BCL7C: variants seen among roughly 807,000 people sequenced by gnomAD.
The protein encoded by BCL7C is BAF chromatin remodeling complex subunit BCL7C, also known as B-cell CLL/lymphoma 7 protein family member C.
BCL7C carries 8 observed loss-of-function variants against 26.2 expected under a neutral mutation model. The observed-to-expected ratio is 0.30, with a 90% CI of 0.18 to 0.55. The LOEUF (loss-of-function observed/expected upper bound fraction) is 0.55. Among genes scored for constraint, BCL7C ranks in the 20% least tolerant of loss-of-function variants. BCL7C has a pLI of 0.93. For missense variants in BCL7C, 262 were observed against 298.5 expected, an observed-to-expected ratio of 0.88 and a Z score of 0.90; for synonymous variants, 90 against 116.5, an observed-to-expected ratio of 0.77 and a Z score of 1.47.
exon 6 of BCL7C, chr16:30,835,117 A>G: frequency 6.5e-7 from 1 of 1,530,028 alleles, no homozygotes; most frequent in East Asian, 2.5e-5. Flanking sequence ...CTTCTCGTGA[A>G]GGGCTCTCCT....
chr16:30,875,321 G>A (rs964953977), intron 5 of BCL7C: 1 of 153,804 alleles, frequency 6.5e-6, no homozygotes, highest in Non-Finnish European at 1.5e-5. Flanking sequence ...CACTGCTGAG[G>A]TTGCCCGAGG....
At chr16:30,869,509 C>T (rs180991247) in intron 5 of BCL7C, among the ~76,000 whole-genome samples, 29 of 135,384 alleles carry the variant, frequency 2.1e-4, no homozygotes, top group Non-Finnish European at 3.0e-4. Flanking sequence ...CTGGCTCTTT[C>T]TTTTTTTTTT....
At chr16:30,858,303 C>A (rs774762620) in intron 5 of BCL7C, among the ~76,000 whole-genome samples, 3 of 152,156 alleles carry the variant, frequency 2.0e-5, no homozygotes, top group Non-Finnish European at 4.4e-5. Context: ...AGGAGATAAC[C>A]AGTACCCTGG....
intron 5 of BCL7C, among the ~76,000 whole-genome samples, chr16:30,867,120 T>C (rs2054836220): frequency 6.6e-6 from 1 of 152,176 alleles, no homozygotes; most frequent in East Asian, 1.9e-4. Context: ...ATGCAATGTA[T>C]AGGAAATGCA....
chr16:30,871,370 G>A (rs1480952774), intron 5 of BCL7C, among the ~76,000 whole-genome samples: 1 of 152,048 alleles, frequency 6.6e-6, no homozygotes, highest in Non-Finnish European at 1.5e-5. Flanking sequence ...ACTTCTCTGT[G>A]CCTTGCTTTT....
rs1596804739 is a variant in BCL7C, at chr16:30,834,675, T to C, written c.*273A>G. The C allele has an allele frequency of 6.3e-6, 2 of 317,870 alleles. No individual in the cohort carries two copies. The highest frequency in any genetic ancestry group is 7.2e-5 in the South Asian group (1 of 13,868). The allele number at this position is 317,870 out of a possible 1,614,324, so 19.7% of individuals were successfully genotyped here. On this transcript the variant is annotated 3_prime_UTR_variant, in exon 6 of 6. Transcript: ENST00000380317. This position sits in a 1 kb window ranked among gnomAD's most constrained non-coding sequence, Gnocchi z 4.3. ...TGAGGAGGTGGGCGAGGCAGCCCAG[T>C]GCACCCCTCCCCTAGGCCTCTAGCA...
intron 5 of BCL7C, among the ~76,000 whole-genome samples, chr16:30,857,170 C>T (rs1466971138): frequency 6.6e-6 from 1 of 151,974 alleles, no homozygotes; most frequent in African/African-American, 2.4e-5. Context: ...GGGCAGATCA[C>T]ATGAGGTCAG....
intron 5 of BCL7C, among the ~76,000 whole-genome samples, chr16:30,865,890 A>ATTTTTTT (rs4046092): frequency 1.5e-5 from 2 of 137,088 alleles, no homozygotes; most frequent in Non-Finnish European, 1.6e-5. Context: ...CAGTGCCCTA[A>ATTTTTTT]TTTTTTTTTT....
intron 5 of BCL7C, among the ~76,000 whole-genome samples, chr16:30,844,105 A>G (rs1028247701): frequency 6.1e-5 from 9 of 148,560 alleles, no homozygotes; most frequent in Non-Finnish European, 1.0e-4. Context: ...TAATCCCAGC[A>G]CTTTGGGAGG....
intron 5 of BCL7C, chr16:30,876,013 C>T (rs1215782804): frequency 6.6e-6 from 1 of 152,308 alleles, no homozygotes; most frequent in African/African-American, 2.4e-5. Flanking sequence ...GCATCCTGCC[C>T]TTTCACTACG....
chr16:30,890,406 A>T (rs1375569883), intron 4 of BCL7C, among the ~76,000 whole-genome samples: 1 of 152,082 alleles, frequency 6.6e-6, no homozygotes. Context: ...AGGAAAAAAA[A>T]AAAGCAGAGC....
intron 5 of BCL7C, among the ~76,000 whole-genome samples, chr16:30,842,742 G>C (rs547614238): frequency 6.6e-6 from 1 of 152,188 alleles, no homozygotes; most frequent in East Asian, 1.9e-4. Flanking sequence ...CTAATTTTTT[G>C]TATTTTTAGT....
intron 5 of BCL7C, among the ~76,000 whole-genome samples, chr16:30,842,631 C>T (rs543402844): frequency 1.3e-5 from 2 of 152,226 alleles, no homozygotes; most frequent in South Asian, 2.1e-4. Context: ...TGCAGTGGTG[C>T]GATCTCAGCT....
At chr16:30,877,429 G>A (rs1406350634) in intron 5 of BCL7C, among the ~76,000 whole-genome samples, 8 of 145,136 alleles carry the variant, frequency 5.5e-5, no homozygotes, top group Non-Finnish European at 9.0e-5. Flanking sequence ...CACGTCACCC[G>A]GCCTGAGTCC....
At chr16:30,880,943 C>T (rs577466086) in intron 5 of BCL7C, among the ~76,000 whole-genome samples, 1 of 152,210 alleles carries the variant, frequency 6.6e-6, no homozygotes, top group South Asian at 2.1e-4. Flanking sequence ...CTCAAATGAC[C>T]TTCCTGCCTT....
chr16:30,878,395 TG>T (rs2054986763), intron 5 of BCL7C, among the ~76,000 whole-genome samples: 2 of 102,102 alleles, frequency 2.0e-5, no homozygotes, highest in Non-Finnish European at 4.9e-5. Flanking sequence ...AAAAATTAGC[TG>T]GGTGTGGTGG....
At chr16:30,886,307 C>T (rs2055132566), downstream of BCL7C, among the ~76,000 whole-genome samples, 3 of 152,292 alleles carry the variant, frequency 2.0e-5, no homozygotes, top group South Asian at 6.2e-4. Flanking sequence ...CAGATGAGGC[C>T]TAGTTATTGT....
intron 5 of BCL7C, among the ~76,000 whole-genome samples, chr16:30,843,957 T>C (rs1227677842): frequency 6.9e-6 from 1 of 144,742 alleles, no homozygotes; most frequent in African/African-American, 2.6e-5. Context: ...CAGGAGAATC[T>C]CTTAAACCCG....
intron 5 of BCL7C, among the ~76,000 whole-genome samples, chr16:30,844,121 G>A (rs1339747160): frequency 5.3e-5 from 8 of 149,914 alleles, no homozygotes; most frequent in African/African-American, 9.8e-5. Context: ...GGAGGCCGAG[G>A]CAGGCGGATC....
Sources: allele counts gnomAD v4.1 joint callset (sites outside exome capture counted in the v4.1 genomes callset), GRCh38; gene constraint gnomAD v4.1.1; non-coding constraint Gnocchi (gnomAD v3.1); transcripts MANE v1.5; gene names NCBI Gene and HGNC (gene_info 2026-07-23, HGNC 2026-07-21).